Variants in PARD3B observed in about 807,000 individuals in gnomAD.
PARD3B encodes par-3 family cell polarity regulator beta.
PARD3B carries 103 observed loss-of-function variants against 130.2 expected under a neutral mutation model. The observed-to-expected ratio is 0.79, with a 90% CI of 0.67 to 0.93. The LOEUF is 0.93. Ranked by LOEUF, PARD3B falls within the 40% of genes least tolerant of loss-of-function variation. The pLI, the probability that PARD3B is intolerant of heterozygous loss-of-function variation, is 0.00. For missense variants in PARD3B, 1,609 were observed against 1,499.2 expected (o/e 1.07, Z -1.21); for synonymous variants, 583 against 553.2 (o/e 1.05, Z -0.76).
intron 20 of PARD3B, among the ~76,000 whole-genome samples, chr2:205,454,855 G>C (rs1053538401): frequency 2.6e-5 from 4 of 152,124 alleles, no homozygotes; most frequent in Non-Finnish European, 4.4e-5. Flanking sequence ...AGCTTAAGGT[G>C]TAGTCACATC....
intron 20 of PARD3B, among the ~76,000 whole-genome samples, chr2:205,448,902 C>T (rs544761885): frequency 6.6e-6 from 1 of 152,240 alleles, no homozygotes; most frequent in East Asian, 1.9e-4. Flanking sequence ...TGCCGTGGCT[C>T]AAGCCTGTAA....
chr2:205,188,418 T>C (rs973985098), intron 14 of PARD3B, among the ~76,000 whole-genome samples: 4 of 152,144 alleles, frequency 2.6e-5, no homozygotes, highest in African/African-American at 9.6e-5. Flanking sequence ...GCTTTGAGCC[T>C]GGAGATGACA....
At position 205,187,527 on chromosome 2, in the gene PARD3B, G is replaced by A. The variant is rs2036168501; in HGVS notation, c.2024+1664G>A. On this transcript the variant is annotated intron_variant, in intron 14 of 22. Coordinates refer to ENST00000406610, the MANE Select transcript of PARD3B (RefSeq NM_001302769.2). The surrounding 1 kb of genome is among the most constrained non-coding windows in gnomAD (Gnocchi z 4.9). ...CCTTTTAGGGCAACTGCAGTCAGAG[G>A]TACTGAGCATCTGTGCAGGGGAGGC... is the stretch of plus-strand genomic sequence containing the variant. Among the ~76,000 whole-genome samples the A allele has an allele frequency of 6.6e-6, 1 of 152,144 alleles. No individual in the cohort carries two copies. Among genetic ancestry groups the A allele is most frequent in the Non-Finnish European group, 1.5e-5 (1 of 68,032 alleles).
intron 2 of PARD3B, among the ~76,000 whole-genome samples, chr2:204,882,046 G>A (rs1007121450): frequency 6.6e-6 from 1 of 152,190 alleles, no homozygotes. Flanking sequence ...ACACATGTAT[G>A]CTTCCTTTTT....
chr2:204,771,508 C>G (rs1014068722), intron 2 of PARD3B, among the ~76,000 whole-genome samples: 1 of 151,986 alleles, frequency 6.6e-6, no homozygotes, highest in East Asian at 1.9e-4. Flanking sequence ...ACAATAGACA[C>G]TAAGGAGTAC....
At chr2:204,595,852 A>G (rs1486559475) in intron 1 of PARD3B, among the ~76,000 whole-genome samples, 1 of 152,244 alleles carries the variant, frequency 6.6e-6, no homozygotes, top group Non-Finnish European at 1.5e-5. Flanking sequence ...AAATGAGAGC[A>G]TGCTATGCTA....
chr2:205,462,869 A>G (rs1035077222), intron 20 of PARD3B, among the ~76,000 whole-genome samples: 1 of 152,156 alleles, frequency 6.6e-6, no homozygotes, highest in African/African-American at 2.4e-5. Flanking sequence ...CATTCATCAA[A>G]TCTCAGACGT....
chr2:204,808,447 C>T (rs1277618021), intron 2 of PARD3B, among the ~76,000 whole-genome samples: 1 of 152,110 alleles, frequency 6.6e-6, no homozygotes, highest in African/African-American at 2.4e-5. Flanking sequence ...GTGTACTAAA[C>T]CTAGTACCCA....
At chr2:205,545,183 A>G (rs1004761157) in intron 21 of PARD3B, among the ~76,000 whole-genome samples, 44 of 152,242 alleles carry the variant, frequency 2.9e-4, no homozygotes, top group African/African-American at 1.0e-3. Flanking sequence ...CTGAAGATGA[A>G]TAATTAAACA....
chr2:204,693,221 T>C (rs1017544390), intron 2 of PARD3B, among the ~76,000 whole-genome samples: 1 of 152,064 alleles, frequency 6.6e-6, no homozygotes, highest in Non-Finnish European at 1.5e-5. Context: ...TATGTTTGTT[T>C]TTGTCTTTGA....
chr2:204,711,995 T>G (rs1033634599), intron 2 of PARD3B, among the ~76,000 whole-genome samples: 4 of 152,172 alleles, frequency 2.6e-5, no homozygotes, highest in Non-Finnish European at 5.9e-5. Flanking sequence ...CACTAGTGTT[T>G]TGAAAATGTA....
intron 2 of PARD3B, among the ~76,000 whole-genome samples, chr2:204,822,620 T>C (rs1291198150): frequency 1.3e-5 from 2 of 152,172 alleles, no homozygotes; most frequent in Admixed American, 6.5e-5. Flanking sequence ...GCACAGGTAA[T>C]TTGGAATGAA....
At chr2:205,171,688 C>T (rs1261311161) in intron 11 of PARD3B, among the ~76,000 whole-genome samples, 8 of 152,134 alleles carry the variant, frequency 5.3e-5, no homozygotes, top group Non-Finnish European at 8.8e-5. Flanking sequence ...TTGTGTTAGA[C>T]AAAATTATGT....
At chr2:204,609,610 G>C (rs2033852042) in intron 1 of PARD3B, among the ~76,000 whole-genome samples, 2 of 152,150 alleles carry the variant, frequency 1.3e-5, no homozygotes, top group African/African-American at 2.4e-5. Flanking sequence ...GGTTGAAAGA[G>C]TTATGCTTTT....
At chr2:205,255,683 C>T (rs947989699) in intron 16 of PARD3B, among the ~76,000 whole-genome samples, 1 of 152,068 alleles carries the variant, frequency 6.6e-6, no homozygotes, top group African/African-American at 2.4e-5. Flanking sequence ...CTTACTTAGG[C>T]TTACTCATTT....
At chr2:205,487,808 G>A (rs2049503950) in intron 20 of PARD3B, among the ~76,000 whole-genome samples, 1 of 152,212 alleles carries the variant, frequency 6.6e-6, no homozygotes, top group Non-Finnish European at 1.5e-5. Context: ...ACTCAACTGT[G>A]TTTGATTTAA....
intron 21 of PARD3B, among the ~76,000 whole-genome samples, chr2:205,519,696 A>G (rs928208085): frequency 1.1e-4 from 16 of 152,106 alleles, no homozygotes; most frequent in African/African-American, 3.9e-4. Flanking sequence ...CTTCTTTCTT[A>G]TCTTTACATG....
At chr2:205,058,326 T>C (rs544174783) in intron 4 of PARD3B, among the ~76,000 whole-genome samples, 1 of 152,110 alleles carries the variant, frequency 6.6e-6, no homozygotes, top group Non-Finnish European at 1.5e-5. Flanking sequence ...CACATTTTGC[T>C]TATCTACTCA....
Position 205,276,650 on chromosome 2 carries a change from G to A in PARD3B, c.2186-23880G>A, listed in dbSNP as rs1047789555. ...GAGAAGCTCCAAAGTGGCTTGCAGCGCTTTATCAGCCGACATTTACACAGA... is the reference window on the plus strand; with the variant it reads ...GAGAAGCTCCAAAGTGGCTTGCAGCACTTTATCAGCCGACATTTACACAGA... On this transcript the variant is annotated intron_variant, in intron 16 of 22. Coordinates refer to ENST00000406610, the MANE Select transcript of PARD3B (RefSeq NM_001302769.2). The surrounding 1 kb of genome is among the most constrained non-coding windows in gnomAD (Gnocchi z 5.0). Among the ~76,000 whole-genome samples the A allele has an allele frequency of 4.7e-4, 71 of 152,122 alleles. No individual in the cohort carries two copies. The highest frequency in any genetic ancestry group is 8.7e-4 in the Non-Finnish European group (59 of 68,028).
Sources: gnomAD v4.1 joint callset for allele counts (sites outside exome capture counted in the v4.1 genomes callset) on GRCh38, gnomAD v4.1.1 for gene constraint, Gnocchi (gnomAD v3.1) non-coding constraint, MANE v1.5 for transcripts, NCBI Gene and HGNC (gene_info 2026-07-23, HGNC 2026-07-21) for gene names.